Variants in ARRDC3 observed in about 807,000 individuals in gnomAD.
ARRDC3 encodes the protein arrestin domain-containing protein 3.
ARRDC3 carries 10 observed loss-of-function variants against 47.2 expected under a neutral mutation model. That is an observed-to-expected ratio of 0.21 (90% CI 0.13 to 0.36). The LOEUF is 0.36. ARRDC3 is among the 10% of genes least tolerant of loss of function. ARRDC3 has a pLI of 1.00. For synonymous variants in ARRDC3, 156 were observed against 178.3 expected (o/e 0.87, Z 1.00); for missense variants, 381 against 503.6 (o/e 0.76, Z 2.33).
chr5:91,380,233 T>C (rs1427345995), intron 1 of ARRDC3: 9 of 164,112 alleles, frequency 5.5e-5, no homozygotes, highest in East Asian at 1.8e-4. Context: ...CCGCCGCCGC[T>C]GCCGCCCGCG....
In ARRDC3 at chr5:91,371,405, G is replaced by A. The variant is rs775232191; in HGVS notation, c.1240C>T (p.Arg414Cys). Residue 414 changes from arginine (R) to cysteine (C), a missense_variant, in exon 8 of 8, where the codon CGT becomes TGT. By Grantham distance (180) the Arg-to-Cys change is radical. Transcript: ENST00000265138. ...SADDRPSCPS[R>C] ...TGATTCAACCAAGTGTTCCTTCAAC[G>A]AGAGGGGCAGGATGGTCTATCATCT... The A allele has an allele frequency of 1.4e-5, 22 of 1,613,108 alleles. No homozygotes were observed. The highest frequency in any genetic ancestry group is 2.2e-5 in the East Asian group (1 of 44,870).
chr5:91,371,872 T>C (rs1441585035), intron 7 of ARRDC3, among the ~76,000 whole-genome samples: 2 of 152,198 alleles, frequency 1.3e-5, no homozygotes, highest in Non-Finnish European at 2.9e-5. Flanking sequence ...TACAAAAAAG[T>C]TAACTCATCG....
intron 1 of ARRDC3, chr5:91,380,867 G>C (rs916704567): frequency 3.3e-5 from 5 of 152,312 alleles, no homozygotes; most frequent in African/African-American, 4.8e-5. Flanking sequence ...CCCAAAAGAG[G>C]GGCGACAGAA....
chr5:91,382,842 T>C lies in ARRDC3; in HGVS notation c.251A>G (p.His84Arg), dbSNP rs1799481490. ...TTCGTGCCCAATTAAGATGTCTTTA[T>C]GGTTGAAATACTCTACTTCTTCAGT... ...NYTEEVEYFN[H>R]KDILIGHERD... The change falls in exon 1 of 8, where the codon CAT becomes CGT. Residue 84 changes from histidine to arginine, a missense_variant. By Grantham distance (29) the His-to-Arg change is conservative. Transcript: ENST00000265138. 12 of 1,613,992 alleles carry C rather than the reference T, an allele frequency of 7.4e-6. No individual in the cohort carries two copies. The highest frequency in any genetic ancestry group is 1.0e-5 in the Non-Finnish European group (12 of 1,179,970).
chr5:91,372,333 G>C (rs1333996912), intron 7 of ARRDC3, among the ~76,000 whole-genome samples: 1 of 152,136 alleles, frequency 6.6e-6, no homozygotes, highest in Non-Finnish European at 1.5e-5. Context: ...ATCACACCCT[G>C]AACATATTTT....
rs946773289 is a variant in ARRDC3, at chr5:91,374,960, G to A, written c.832C>T (p.Leu278Phe). The A allele has an allele frequency of 6.2e-7, 1 of 1,614,018 alleles. No individual in the cohort carries two copies. The highest frequency in any genetic ancestry group is 8.5e-7 in the Non-Finnish European group (1 of 1,180,002). ...TCCACGCGGATTATACTACAGTCGAGGATAGAGGGAGAAACTGGTGGAATT... is the reference window on the plus strand; with the variant it reads ...TCCACGCGGATTATACTACAGTCGAAGATAGAGGGAGAAACTGGTGGAATT... ...LKIPPVSPSI[L>F]DCSIIRVEYS... is the part of the protein sequence containing the mutation. The change falls in exon 5 of 8, where the codon CTC (leucine) becomes TTC (phenylalanine). Residue 278 changes from leucine to phenylalanine, a missense_variant. Physicochemically the swap from Leu to Phe is conservative, Grantham distance 22. Transcript: ENST00000265138.
At position 91,371,361 on chromosome 5, in the gene ARRDC3, T is replaced by C. The variant is rs1799172657; in HGVS notation, c.*39A>G. 6.4e-7 allele frequency: 1 copy of C among 1,563,534 alleles called. No individual in the cohort carries two copies. Among genetic ancestry groups the C allele is most frequent in the Non-Finnish European group, 8.8e-7 (1 of 1,135,060 alleles). ...CTGTCCTCAGCCGGAAGAGATACAG[T>C]TCGGAACCCACATCAACTTGATTCA... On this transcript the variant is annotated 3_prime_UTR_variant, in exon 8 of 8. Transcript: ENST00000265138.
chr5:91,374,043 T>C, intron 6 of ARRDC3, 71 bp downstream of exon 6: 3 of 1,532,260 alleles, frequency 2.0e-6, no homozygotes, highest in Non-Finnish European at 2.7e-6. Context: ...GGTCATAAAA[T>C]ATCAGAGGCA....
At chr5:91,374,816 C>G (rs750587423) in intron 5 of ARRDC3, 106 bp downstream of exon 5, 4 of 1,183,202 alleles carry the variant, frequency 3.4e-6, no homozygotes, top group Non-Finnish European at 4.7e-6. Flanking sequence ...GCCCAGAAAG[C>G]AGAGGCTGTA....
At chr5:91,375,289 C>T (rs1416666239) in intron 4 of ARRDC3, 111 bp from the exon 5 acceptor site, 2 of 1,204,956 alleles carry the variant, frequency 1.7e-6, no homozygotes, top group Non-Finnish European at 2.3e-6. Flanking sequence ...GAAAAGATGT[C>T]CCAGGAACTG....
intron 6 of ARRDC3, 70 bp from the exon 7 acceptor site, chr5:91,373,908 G>A: frequency 6.3e-7 from 1 of 1,578,602 alleles, no homozygotes; most frequent in Non-Finnish European, 8.7e-7. Flanking sequence ...AGAATAGTAG[G>A]TATTAAAAAG....
At chr5:91,375,358 A>G in intron 4 of ARRDC3, 153 bp downstream of exon 4, 2 of 898,598 alleles carry the variant, frequency 2.2e-6, no homozygotes, top group Non-Finnish European at 1.7e-6. Context: ...AGGAAACTAC[A>G]TTCTACTTTG....
chr5:91,383,044 T>A lies in ARRDC3; in HGVS notation c.49A>T (p.Asn17Tyr). ...GAATACACAGGGACATTGCTGTCAT[T>A]AAGACAGTCAAAGCTTATTGTCAAA... ...KSLTISFDCL[N>Y]DSNVPVYSSG... Residue 17 changes from asparagine (N) to tyrosine (Y), a missense_variant, in exon 1 of 8, where the codon AAT becomes TAT. Coordinates refer to ENST00000265138, the MANE Select transcript of ARRDC3 (RefSeq NM_020801.4). 4 of 1,613,870 alleles carry A rather than the reference T, an allele frequency of 2.5e-6. No individual in the cohort carries two copies. The highest frequency in any genetic ancestry group is 3.4e-6 in the Non-Finnish European group (4 of 1,179,836).
At chr5:91,374,567 A>G (rs544673306) in intron 5 of ARRDC3, among the ~76,000 whole-genome samples, 2 of 152,256 alleles carry the variant, frequency 1.3e-5, no homozygotes, top group Admixed American at 1.3e-4. Flanking sequence ...TTAAGACTTA[A>G]AAACAAAACA....
chr5:91,376,729 C>T lies in ARRDC3; in HGVS notation c.402G>A (p.Val134=). 6.2e-7 allele frequency: 1 copy of T among 1,613,938 alleles called. No individual in the cohort carries two copies. Among genetic ancestry groups the T allele is most frequent in the Non-Finnish European group, 8.5e-7 (1 of 1,179,916 alleles). The change falls in exon 3 of 8, where the codon GTG becomes GTA. Residue 134 remains valine (V), a synonymous_variant. Coordinates refer to ENST00000265138, the MANE Select transcript of ARRDC3 (RefSeq NM_020801.4). ...GCAATTCGGCTTTCACCCAATAGCG[C>T]ACACTGCCATGTCGGCCTTCGAATG... The part of the protein sequence containing the change: ...ATSFEGRHGS[V]RYWVKAELHR...
rs1799280893 is a variant in ARRDC3 at position 91,375,516 on chromosome 5, G to C, written c.608C>G (p.Thr203Ser). 1 of 1,608,222 alleles carries C rather than the reference G, an allele frequency of 6.2e-7. No individual in the cohort carries two copies. The highest frequency in any genetic ancestry group is 8.5e-7 in the Non-Finnish European group (1 of 1,176,142). ...LSAKIERKGYTPGESIQIFAE... is the reference protein window; with the variant it reads ...LSAKIERKGYSPGESIQIFAE... ...GGAATCTACCTCTTACATACCTGGG[G>C]TATAGCCCTTCCTTTCAATTTTGGC... Residue 203 changes from threonine (T) to serine (S), a missense_variant, in exon 4 of 8, where the codon ACC becomes AGC. Coordinates refer to ENST00000265138, the MANE Select transcript of ARRDC3 (RefSeq NM_020801.4).
chr5:91,371,420 G>T lies in ARRDC3; in HGVS notation c.1225C>A (p.Pro409Thr), dbSNP rs1799175054. 3 of 1,613,512 alleles carry T rather than the reference G, an allele frequency of 1.9e-6. No individual in the cohort carries two copies. The highest frequency in any genetic ancestry group is 1.7e-6 in the Non-Finnish European group (2 of 1,179,612). ...TTCCTTCAACGAGAGGGGCAGGATG[G>T]TCTATCATCTGCTGACTGATCAGGA... ...PNPDQSADDR[P>T]SCPSR Residue 409 changes from proline to threonine, a missense_variant, in exon 8 of 8, where the codon CCA becomes ACA. Pro to Thr is a conservative substitution (Grantham distance 38). Transcript: ENST00000265138.
At chr5:91,376,833 C>T in intron 2 of ARRDC3, 65 bp from the exon 3 acceptor site, 1 of 1,444,866 alleles carries the variant, frequency 6.9e-7, no homozygotes, top group African/African-American at 1.4e-5. Flanking sequence ...CACAGTAGGT[C>T]AGAATAGAAG....
rs561353087 is a variant in ARRDC3, at chr5:91,379,643, C to G, written c.281-868G>C. ...CAAGTGGCATGAAAATAAATATAAT[C>G]GAAAATATGGGAGGGGGTTCTAGAT... On this transcript the variant is annotated intron_variant, in intron 1 of 7. Transcript: ENST00000265138. 1.2e-4 allele frequency among the ~76,000 whole-genome samples: 18 copies of G among 151,350 alleles called. No individual in the cohort carries two copies. The East Asian group carries it at 3.5e-3, about 29-fold the overall frequency.
Sources: gnomAD v4.1 joint callset for allele counts (sites outside exome capture counted in the v4.1 genomes callset) on GRCh38, gnomAD v4.1.1 for gene constraint, MANE v1.5 for transcripts, NCBI Gene and HGNC (gene_info 2026-07-23, HGNC 2026-07-21) for gene names.